TAF1: variants seen among roughly 807,000 people sequenced by gnomAD.
TAF1 encodes the protein transcription initiation factor TFIID subunit 1.
Under a neutral mutation model 138.5 loss-of-function variants are expected in TAF1, and 2 were observed. The ratio of observed to expected loss-of-function variants is 0.01; its 90% CI spans 0.01 to 0.05. The LOEUF (loss-of-function observed/expected upper bound fraction) is 0.05. Ranked by LOEUF, TAF1 falls within the 10% of genes least tolerant of loss-of-function variation. The probability of loss-of-function intolerance (pLI) is 1.00; values close to 1 mark genes in which losing one functional copy is unlikely to be tolerated. For synonymous variants in TAF1, 437 were observed against 503.2 expected (o/e 0.87, Z 1.76); for missense variants, 709 against 1,478.0 (o/e 0.48, Z 8.53).
chrX:71,506,986 A>G lies in TAF1; in HGVS notation c.1367-21556A>G, dbSNP rs185475150. ...GACAGACACAAAGGTCACACATTGT[A>G]TGATTCCATTTGCGTTAAATATCCA... On this transcript the variant is annotated intron_variant and NMD_transcript_variant, in intron 13 of 14. Coordinates refer to the TAF1 transcript ENST00000373775. 5.3e-5 allele frequency among the ~76,000 whole-genome samples: 6 copies of G among 112,216 alleles called. 1 individual carries two copies. The Admixed American group carries it at 5.7e-4, about 11-fold the overall frequency.
chrX:71,379,583 A>G (rs1448183557), intron 8 of TAF1, among the ~76,000 whole-genome samples: 1 of 102,485 alleles, frequency 9.8e-6, no homozygotes, highest in Admixed American at 1.1e-4. Flanking sequence ...TCTTAAAAAC[A>G]TGTGATAAAG....
At chrX:71,420,128 G>A (rs2036252594) in intron 28 of TAF1, 3 of 477,796 alleles carry the variant, frequency 6.3e-6, no homozygotes, top group African/African-American at 4.8e-5. Context: ...CTCTGTAGAC[G>A]TGACCCCGGG....
intron 29 of TAF1, among the ~76,000 whole-genome samples, chrX:71,422,887 C>T (rs1345080306): frequency 2.7e-5 from 3 of 109,576 alleles, no homozygotes; most frequent in African/African-American, 1.0e-4. Flanking sequence ...CTATAGGCGC[C>T]CGCCACCACG....
intron 13 of TAF1, among the ~76,000 whole-genome samples, chrX:71,478,526 A>G (rs911241014): frequency 2.8e-5 from 3 of 108,043 alleles, no homozygotes; most frequent in Non-Finnish European, 5.7e-5. Context: ...CTTGTCTCAA[A>G]CAAACAAACA....
intron 32 of TAF1, among the ~76,000 whole-genome samples, chrX:71,443,826 G>A (rs1238840900): frequency 9.0e-6 from 1 of 111,085 alleles, no homozygotes; most frequent in Admixed American, 9.6e-5. Flanking sequence ...CTCCTGCTGC[G>A]GCCTCCTGAG....
At position 71,366,498 on chromosome X, in the gene TAF1, AGGGGGTGGGCGTGGGGGTAGGGCTCG is replaced by A; in HGVS notation, c.120+14_120+39del. ...GGGGGAAAGCGTCTTGGATGATGTG[AGGGGGTGGGCGTGGGGGTAGGGCTCG>A]GGGGGTGGGGCTAAGCAGAGGAAGG... On this transcript the variant is annotated splice_donor_5th_base_variant and intron_variant, in intron 1 of 37. Transcript: ENST00000423759. 3 of 198,223 alleles carry A rather than the reference AGGGGGTGGGCGTGGGGGTAGGGCTCG, an allele frequency of 1.5e-5. No homozygotes were observed. Among genetic ancestry groups the A allele is most frequent in the Non-Finnish European group, 1.4e-5 (2 of 143,402 alleles). 16.3% of individuals were successfully genotyped at this position (198,223 alleles called of 1,213,427 possible).
intron 13 of TAF1, among the ~76,000 whole-genome samples, chrX:71,508,084 C>CTATATATA (rs1185059268): frequency 2.1e-5 from 2 of 94,783 alleles, no homozygotes; most frequent in East Asian, 3.3e-4. Context: ...CTCTCTCTCT[C>CTATATATA]TCTATATATA....
chrX:71,404,867 AC>A (rs1448817823), intron 25 of TAF1, among the ~76,000 whole-genome samples: 1 of 108,780 alleles, frequency 9.2e-6, no homozygotes, highest in Admixed American at 9.9e-5. Flanking sequence ...CCACCAACAA[AC>A]CCATAAAGTA....
At chrX:71,379,105 ATTTT>A (rs916740866) in intron 8 of TAF1, 74 bp downstream of exon 8, 1,858 of 479,298 alleles carry the variant, frequency 3.9e-3, no homozygotes, top group East Asian at 4.5e-3. Flanking sequence ...CTCAGCTGTG[ATTTT>A]TTTTTTTTTT....
intron 35 of TAF1, 121 bp from the exon 36 acceptor site, chrX:71,459,431 T>TC: frequency 9.4e-7 from 1 of 1,064,081 alleles, no homozygotes. Flanking sequence ...TTACTTAACT[T>TC]CTTGTGAGGC....
chrX:71,475,584 CAAAAAAA>C (rs78014278), intron 13 of TAF1, among the ~76,000 whole-genome samples: 4 of 41,488 alleles, frequency 9.6e-5, no homozygotes, highest in Non-Finnish European at 1.7e-4. Context: ...GACTCCGTTT[CAAAAAAA>C]AAAAAAAAAG....
chrX:71,399,032 T>A, intron 24 of TAF1, among the ~76,000 whole-genome samples: 1 of 110,374 alleles, frequency 9.1e-6, no homozygotes, highest in East Asian at 2.9e-4. Context: ...CTCTGCCTCC[T>A]GGGCTCAAGC....
At chrX:71,529,450 A>G in intron 14 of TAF1, 1 of 218,630 alleles carries the variant, frequency 4.6e-6, no homozygotes, top group Non-Finnish European at 8.5e-6. Context: ...GCGTTTTACA[A>G]TCTTCTTGTA....
At chrX:71,484,558 C>A (rs1036935690) in intron 13 of TAF1, among the ~76,000 whole-genome samples, 18 of 111,334 alleles carry the variant, frequency 1.6e-4, no homozygotes, top group African/African-American at 5.9e-4. Context: ...TCTCGAACTC[C>A]TGACCTCAGG....
At chrX:71,409,192 G>GT (rs1196752841) in intron 28 of TAF1, among the ~76,000 whole-genome samples, 13 of 109,855 alleles carry the variant, frequency 1.2e-4, no homozygotes, top group Non-Finnish European at 5.7e-5. Flanking sequence ...AAATCTGTTT[G>GT]TCTTTTTTTT....
At chrX:71,486,008 C>T (rs2147522499) in intron 13 of TAF1, among the ~76,000 whole-genome samples, 1 of 109,420 alleles carries the variant, frequency 9.1e-6, no homozygotes, top group East Asian at 2.9e-4. Context: ...CAGAATCTTG[C>T]GTTGTCACCC....
chrX:71,408,271 G>A (rs1569314006), intron 28 of TAF1, 120 bp downstream of exon 28: 1 of 850,039 alleles, frequency 1.2e-6, no homozygotes. Flanking sequence ...ATTCATTTGT[G>A]GGTATGAAAA....
rs755220829 is a variant in TAF1 at position 71,375,262 on chromosome X, A to G, written c.448A>G (p.Lys150Glu). ...ACCCCCGGGACCAATGAAGAAGGAT[A>G]AGGACCAGGATTCTATTACTGGTGG... ...PPPPGPMKKDKDQDSITGVSE... is the reference protein window; with the variant it reads ...PPPPGPMKKDEDQDSITGVSE... The change falls in exon 4 of 38, where the codon AAG becomes GAG. Residue 150 changes from lysine to glutamate, a missense_variant. Lys to Glu is a moderately conservative substitution (Grantham distance 56). Around this residue, in one of 14 missense-constraint regions of TAF1, gnomAD observed 123 missense variants for 161.6 expected, o/e 0.76. Transcript: ENST00000423759. The G allele has an allele frequency of 5.8e-6, 7 of 1,209,332 alleles. No homozygotes were observed. In the South Asian group the frequency reaches 1.1e-4, roughly 18 times the overall value.
chrX:71,487,234 T>C (rs1348107023), intron 13 of TAF1, among the ~76,000 whole-genome samples: 1 of 109,244 alleles, frequency 9.2e-6, no homozygotes, highest in African/African-American at 3.3e-5. Context: ...TTCATTCCAA[T>C]AGTTTCTATT....
Sources: gnomAD v4.1 joint callset for allele counts (sites outside exome capture counted in the v4.1 genomes callset) on GRCh38, gnomAD v4.1.1 for gene constraint, gnomAD v4.1.1 regional missense constraint, MANE v1.5 for transcripts, NCBI Gene and HGNC (gene_info 2026-07-23, HGNC 2026-07-21) for gene names.